AHDC1: variants seen among roughly 807,000 people sequenced by gnomAD.
The protein encoded by AHDC1 is AT-hook DNA binding motif containing 1, also known as transcription factor Gibbin.
In AHDC1, 7 loss-of-function variants were observed where a neutral mutation model predicts 87.9. The observed-to-expected ratio is 0.08, with a 90% CI of 0.05 to 0.15. The LOEUF (loss-of-function observed/expected upper bound fraction) is 0.15, where lower values mean the gene tolerates loss of function less well. Among genes scored for constraint, AHDC1 ranks in the 10% least tolerant of loss-of-function variants. AHDC1 has a pLI of 1.00. For missense variants in AHDC1, 1,841 were observed against 2,253.2 expected (o/e 0.82, Z 3.70); for synonymous variants, 1,051 against 1,006.8 (o/e 1.04, Z -0.83).
Position 27,595,898 on chromosome 1 carries a change from G to A in AHDC1, c.-629+7499C>T, listed in dbSNP as rs962872227. Among the ~76,000 whole-genome samples the A allele has an allele frequency of 6.6e-6, 1 of 151,876 alleles. No individual in the cohort carries two copies. Among genetic ancestry groups the A allele is most frequent in the South Asian group, 2.1e-4 (1 of 4,814 alleles). On this transcript the variant is annotated intron_variant, in intron 3 of 8. Coordinates refer to ENST00000673934, the MANE Select transcript of AHDC1 (RefSeq NM_001371928.1). The surrounding 1 kb of genome is among the most constrained non-coding windows in gnomAD (Gnocchi z 4.0). ...ATGTCGGGGGGTATCTGTATGTAGA[G>A]TGTGTGTGTGGAAGTGTGTGGGCTG...
rs2020083614 is a variant in AHDC1 at position 27,561,533 on chromosome 1, G to T, written c.-628-2650C>A. On this transcript the variant is annotated intron_variant, in intron 3 of 8. Coordinates refer to ENST00000673934, the MANE Select transcript of AHDC1 (RefSeq NM_001371928.1). The surrounding 1 kb of genome is among the most constrained non-coding windows in gnomAD (Gnocchi z 4.2). ...ACAGCAAGGAGGGGTGCAGGGGCTGGGCTGGGACTAAGGCTCCCTTCACGG... is the reference window on the plus strand; with the variant it reads ...ACAGCAAGGAGGGGTGCAGGGGCTGTGCTGGGACTAAGGCTCCCTTCACGG... 6.6e-6 allele frequency among the ~76,000 whole-genome samples: 1 copy of T among 152,142 alleles called. No individual in the cohort carries two copies. Among genetic ancestry groups the T allele is most frequent in the South Asian group, 2.1e-4 (1 of 4,828 alleles).
chr1:27,555,271 G>A (rs946019406), intron 5 of AHDC1, among the ~76,000 whole-genome samples: 1 of 152,194 alleles, frequency 6.6e-6, no homozygotes, highest in Non-Finnish European at 1.5e-5. Context: ...ACCCCAGTGG[G>A]GACACTTTCT....
intron 3 of AHDC1, among the ~76,000 whole-genome samples, chr1:27,583,863 T>C (rs2088975772): frequency 6.6e-6 from 1 of 152,180 alleles, no homozygotes; most frequent in South Asian, 2.1e-4. Context: ...ATTATTTCTA[T>C]AGCATCTTAT....
rs1312667232 is a variant in AHDC1 at position 27,534,382 on chromosome 1, T to C, written c.*578A>G. On this transcript the variant is annotated 3_prime_UTR_variant, in exon 9 of 9. Coordinates refer to ENST00000673934, the MANE Select transcript of AHDC1 (RefSeq NM_001371928.1). ...CAACAGAAGAGAAAACCCAAAAGAG[T>C]GAAAAATAAGAAAGAAAAAAAAAGC... The C allele has an allele frequency of 7.1e-6, 1 of 141,726 alleles. No individual in the cohort carries two copies. Among genetic ancestry groups the C allele is most frequent in the Non-Finnish European group, 1.5e-5 (1 of 65,504 alleles). The allele number at this position is 141,726 out of a possible 1,614,324, so 8.8% of individuals were successfully genotyped here.
chr1:27,566,497 C>T (rs373618994), intron 3 of AHDC1, among the ~76,000 whole-genome samples: 4 of 151,598 alleles, frequency 2.6e-5, no homozygotes, highest in South Asian at 2.1e-4. Flanking sequence ...CACAGACAGG[C>T]GGAGGCACAG....
In AHDC1 at chr1:27,536,127, G is replaced by A. The variant is rs544725987; in HGVS notation, c.*44-1211C>T. Among the ~76,000 whole-genome samples the A allele has an allele frequency of 2.0e-4, 31 of 152,004 alleles. 1 individual carries two copies. Among genetic ancestry groups the A allele is most frequent in the Non-Finnish European group, 3.7e-4 (25 of 67,814 alleles). On this transcript the variant is annotated intron_variant, in intron 8 of 8. Transcript: ENST00000673934. ...TCCCCCACACCAGCAGGAATCAGGC[G>A]GCGGCAGAAAGCCTCTCCTCCCTTG...
rs982751870 is a variant in AHDC1, at chr1:27,589,361, CTA to C, written c.-629+14034_-629+14035del. 1.4e-4 allele frequency among the ~76,000 whole-genome samples: 21 copies of C among 152,174 alleles called. No individual in the cohort carries two copies. The South Asian group carries it at 1.7e-3, about 12-fold the overall frequency. ...TGTGTGTCTGTGCCTGTCTTTGTCT[CTA>C]TATGTTTCTGGGCCTTTGTCTCAGT... On this transcript the variant is annotated intron_variant, in intron 3 of 8. Coordinates refer to ENST00000673934, the MANE Select transcript of AHDC1 (RefSeq NM_001371928.1).
At chr1:27,546,643 C>T (rs1194835951) in intron 8 of AHDC1, among the ~76,000 whole-genome samples, 4 of 152,206 alleles carry the variant, frequency 2.6e-5, no homozygotes, top group Non-Finnish European at 5.9e-5. Context: ...GGAAAATAGC[C>T]TTTGGGGGTA....
Position 27,551,982 on chromosome 1 carries a change from G to A in AHDC1, c.134C>T (p.Ala45Val). The A allele has an allele frequency of 6.8e-7, 1 of 1,479,580 alleles. No homozygotes were observed. The highest frequency in any genetic ancestry group is 1.3e-5 in the South Asian group (1 of 74,616). The allele number at this position is 1,479,580 out of a possible 1,614,324, so 91.7% of individuals were successfully genotyped here. A position where few individuals can be genotyped will look rare whatever the true frequency, so the allele number is the denominator to read the frequency against. The change falls in exon 8 of 9, where the codon GCC becomes GTC. Residue 45 changes from alanine to valine, a missense_variant. Around this residue, in one of 13 missense-constraint regions of AHDC1, gnomAD observed 142 missense variants for 165.6 expected, o/e 0.86. Transcript: ENST00000673934. The part of the protein sequence containing the change: ...PRPLLPTRPP[A>V]SPPDKAFSTH... ...GGAGAAGGCCTTGTCAGGTGGGCTG[G>A]CAGGGGGCCGGGTGGGAAGCAGGGG...
Position 27,560,016 on chromosome 1 carries a change from C to T in AHDC1, c.-628-1133G>A, listed in dbSNP as rs574544355. On this transcript the variant is annotated intron_variant, in intron 3 of 8. Coordinates refer to ENST00000673934, the MANE Select transcript of AHDC1 (RefSeq NM_001371928.1). This position sits in a 1 kb window ranked among gnomAD's most constrained non-coding sequence, Gnocchi z 4.1. ...TCGTGTGCTTCTCTGTATTTCTGTA[C>T]GTCTGTGTGGGTACATGTGGGCTTA... Among the ~76,000 whole-genome samples the T allele has an allele frequency of 3.9e-5, 6 of 152,294 alleles. No individual in the cohort carries two copies. Among genetic ancestry groups the T allele is most frequent in the African/African-American group, 1.4e-4 (6 of 41,556 alleles).
intron 3 of AHDC1, among the ~76,000 whole-genome samples, chr1:27,594,927 G>A (rs1054410572): frequency 2.0e-5 from 3 of 152,050 alleles, no homozygotes; most frequent in African/African-American, 7.3e-5. Flanking sequence ...GGGGTGTTTG[G>A]AGAGGTGTAG....
At chr1:27,583,381 C>A (rs1332511169) in intron 3 of AHDC1, among the ~76,000 whole-genome samples, 7 of 152,200 alleles carry the variant, frequency 4.6e-5, no homozygotes, top group Non-Finnish European at 1.0e-4. Context: ...CTTTCAACTA[C>A]CCATTTCTCA....
chr1:27,579,594 ACT>A (rs111561690), intron 3 of AHDC1, among the ~76,000 whole-genome samples: 10,365 of 152,136 alleles, frequency 0.068, 856 homozygotes, highest in African/African-American at 0.2. Flanking sequence ...TGCTTAGATC[ACT>A]GTCTAATTAG....
intron 3 of AHDC1, among the ~76,000 whole-genome samples, chr1:27,580,130 G>C (rs1451053988): frequency 6.6e-6 from 1 of 152,196 alleles, no homozygotes; most frequent in Non-Finnish European, 1.5e-5. Context: ...TTGGGATGTG[G>C]GAGGGAGGGT....
rs1193164678 is a variant in AHDC1 at position 27,548,520 on chromosome 1, G to C, written c.3596C>G (p.Ser1199Cys). 1 of 1,613,658 alleles carries C rather than the reference G, an allele frequency of 6.2e-7. No homozygotes were observed. Among genetic ancestry groups the C allele is most frequent in the Non-Finnish European group, 8.5e-7 (1 of 1,180,048 alleles). Residue 1199 changes from serine to cysteine, a missense_variant, in exon 8 of 9, where the codon TCC (serine) becomes TGC (cysteine). By Grantham distance (112) the Ser-to-Cys change is moderately radical. Transcript: ENST00000673934. ...ASSSEGQSSL[S>C]SLEKLMMDWN... ...GTCCATCATCAGTTTCTCCAGGCTGGACAGGCTCGACTGGCCCTCACTACT... is the reference window on the plus strand; with the variant it reads ...GTCCATCATCAGTTTCTCCAGGCTGCACAGGCTCGACTGGCCCTCACTACT...
chr1:27,572,179 C>G (rs1406556076), intron 3 of AHDC1, among the ~76,000 whole-genome samples: 2 of 152,106 alleles, frequency 1.3e-5, no homozygotes, highest in African/African-American at 4.8e-5. Flanking sequence ...GAACAGGAAA[C>G]AGAGTCTAAT....
chr1:27,581,919 C>T (rs1571318728), intron 3 of AHDC1, among the ~76,000 whole-genome samples: 1 of 152,202 alleles, frequency 6.6e-6, no homozygotes, highest in Admixed American at 6.5e-5. Context: ...CTCAACACCA[C>T]CCACACACTC....
At position 27,562,598 on chromosome 1, in the gene AHDC1, C is replaced by T. The variant is rs1346563995; in HGVS notation, c.-628-3715G>A. Among the ~76,000 whole-genome samples, 5 of 152,168 alleles carry T rather than the reference C, an allele frequency of 3.3e-5. No individual in the cohort carries two copies. The highest frequency in any genetic ancestry group is 1.3e-4 in the Admixed American group (2 of 15,282). ...TCCCTCCCCCTGGGGAACAGTCCCA[C>T]GGGCTGACATATGGGTGAGAGGGTA... On this transcript the variant is annotated intron_variant, in intron 3 of 8. Transcript: ENST00000673934. This position sits in a 1 kb window ranked among gnomAD's most constrained non-coding sequence, Gnocchi z 4.4.
At position 27,548,627 on chromosome 1, in the gene AHDC1, G is replaced by A; in HGVS notation, c.3489C>T (p.Phe1163=). The change falls in exon 8 of 9, where the codon TTC becomes TTT. Residue 1163 remains phenylalanine, a synonymous_variant. Coordinates refer to ENST00000673934, the MANE Select transcript of AHDC1 (RefSeq NM_001371928.1). ...GGGTGCTGTCGGAGGATGACTCAGA[G>A]AAGGTCTCCGACACAGCCGTCTGCT... is the stretch of plus-strand genomic sequence containing the variant. The part of the protein sequence containing the change: ...VKQQTAVSET[F]SESSSDSTQF... The A allele has an allele frequency of 6.2e-7, 1 of 1,613,482 alleles. No individual in the cohort carries two copies. Among genetic ancestry groups the A allele is most frequent in the Non-Finnish European group, 8.5e-7 (1 of 1,180,042 alleles).
Sources: gnomAD v4.1 joint callset for allele counts (sites outside exome capture counted in the v4.1 genomes callset) on GRCh38, gnomAD v4.1.1 for gene constraint, gnomAD v4.1.1 regional missense constraint, Gnocchi (gnomAD v3.1) non-coding constraint, MANE v1.5 for transcripts, NCBI Gene and HGNC (gene_info 2026-07-23, HGNC 2026-07-21) for gene names.